AKR1C3: variants seen among roughly 807,000 people sequenced by gnomAD.
AKR1C3 encodes 3-alpha hydroxysteroid dehydrogenase, type II.
Under a neutral mutation model 43.6 loss-of-function variants are expected in AKR1C3, and 48 were observed. That is an observed-to-expected ratio of 1.10 (90% CI 0.87 to 1.40). The LOEUF is 1.40. Among genes scored for constraint, AKR1C3 ranks in the 40% most tolerant of loss-of-function variants. The pLI is 0.00. For synonymous variants in AKR1C3, 162 were observed against 139.6 expected, an observed-to-expected ratio of 1.16 and a Z score of -1.13; for missense variants, 482 against 391.2, an observed-to-expected ratio of 1.23 and a Z score of -1.96.
At chr10:5,063,565 G>T (rs1470600725) in intron 1 of AKR1C3, among the ~76,000 whole-genome samples, 1 of 151,462 alleles carries the variant, frequency 6.6e-6, no homozygotes, top group Non-Finnish European at 1.5e-5. Flanking sequence ...AGAGGCTGAG[G>T]CAGGCAGATC....
chr10:5,098,356 G>A (rs1839263994), intron 3 of AKR1C3, among the ~76,000 whole-genome samples: 1 of 152,144 alleles, frequency 6.6e-6, no homozygotes, highest in South Asian at 2.1e-4. Context: ...CAACTCCTCT[G>A]GGTCTCCCAA....
intron 1 of AKR1C3, among the ~76,000 whole-genome samples, chr10:5,050,196 ATC>A (rs1838125201): frequency 1.3e-5 from 2 of 152,166 alleles, no homozygotes; most frequent in South Asian, 4.1e-4. Flanking sequence ...CTCATTTCAA[ATC>A]TCTTTCTTTT....
At chr10:5,066,680 CTAGA>C (rs1433564127) in intron 1 of AKR1C3, among the ~76,000 whole-genome samples, 3 of 152,304 alleles carry the variant, frequency 2.0e-5, no homozygotes, top group South Asian at 2.1e-4. Flanking sequence ...AAAGAATGAG[CTAGA>C]TAAAGAGTCT....
chr10:5,086,092 C>T (rs1281492674), intron 1 of AKR1C3, among the ~76,000 whole-genome samples: 3 of 151,808 alleles, frequency 2.0e-5, no homozygotes, highest in East Asian at 1.9e-4. Context: ...CTGCTCTGAT[C>T]TTAGTTATTT....
upstream of AKR1C3, among the ~76,000 whole-genome samples, chr10:5,091,400 C>A (rs1554784151): frequency 6.6e-6 from 1 of 152,074 alleles, no homozygotes; most frequent in Non-Finnish European, 1.5e-5. Context: ...TGGCCACAGG[C>A]CTAAACATGT....
At chr10:5,103,209 T>C (rs1450862531) in intron 7 of AKR1C3, among the ~76,000 whole-genome samples, 2 of 152,206 alleles carry the variant, frequency 1.3e-5, no homozygotes, top group African/African-American at 4.8e-5. Flanking sequence ...TTCAGAAATG[T>C]GGAGTAGCAT....
chr10:5,107,328 G>A, intron 8 of AKR1C3, 133 bp from the exon 9 acceptor site: 1 of 661,038 alleles, frequency 1.5e-6, no homozygotes, highest in Non-Finnish European at 2.7e-6. Flanking sequence ...TGTTCATAAA[G>A]GTAAGAAAGG....
At chr10:5,051,979 G>T (rs1183352150) in intron 1 of AKR1C3, among the ~76,000 whole-genome samples, 1 of 152,186 alleles carries the variant, frequency 6.6e-6, no homozygotes, top group Non-Finnish European at 1.5e-5. Flanking sequence ...ATCGGGGGTG[G>T]TGTGTCTGGA....
chr10:5,056,421 T>G (rs372805660), intron 1 of AKR1C3, among the ~76,000 whole-genome samples: 1 of 152,208 alleles, frequency 6.6e-6, no homozygotes, highest in Non-Finnish European at 1.5e-5. Context: ...GCCTCATTGA[T>G]GTGTCTAAGA....
upstream of AKR1C3, chr10:5,094,305 C>A: frequency 3.5e-6 from 3 of 849,744 alleles, no homozygotes; most frequent in East Asian, 3.7e-5. Context: ...ATAAGACTGC[C>A]TATGTACCTC....
chr10:5,074,075 T>C (rs1317395877), intron 1 of AKR1C3, among the ~76,000 whole-genome samples: 1 of 151,920 alleles, frequency 6.6e-6, no homozygotes, highest in Non-Finnish European at 1.5e-5. Context: ...AATGTAACCA[T>C]TTGTCTCTTA....
At position 5,071,556 on chromosome 10, in the gene AKR1C3, T is replaced by C. The variant is rs1422304437; in HGVS notation, c.84+22661T>C. On this transcript the variant is annotated intron_variant, in intron 1 of 8. Transcript: ENST00000439082. ...CTTTCCCCAGGCTCCTCTGAGTCTC[T>C]TTTGAAATAGGCCTCGCCTTGGTCT... Among the ~76,000 whole-genome samples the C allele has an allele frequency of 9.2e-5, 14 of 152,332 alleles. No homozygotes were observed. The East Asian group carries it at 2.7e-3, about 29-fold the overall frequency.
rs1423084413 is a variant in AKR1C3 at position 5,102,933 on chromosome 10, T to G, written c.846+283T>G. 5.5e-5 allele frequency among the ~76,000 whole-genome samples: 8 copies of G among 145,530 alleles called. No homozygotes were observed. The South Asian group carries it at 1.7e-3, about 31-fold the overall frequency. On this transcript the variant is annotated intron_variant, in intron 7 of 8. Transcript: ENST00000380554. ...CAGGAACATCATTTTTTCATGTTGT[T>G]TGTTTGGTTTTGGTTTTTTTTTTTT...
chr10:5,099,700 G>A lies in AKR1C3; in HGVS notation c.570+251G>A, dbSNP rs1036592736. The A allele has an allele frequency of 1.4e-5, 8 of 551,918 alleles. No homozygotes were observed. The East Asian group carries it at 2.9e-4, about 20-fold the overall frequency. The allele number at this position is 551,918 out of a possible 1,614,324, so 34.2% of individuals were successfully genotyped here. A position where few individuals can be genotyped will look rare whatever the true frequency, so the allele number is the denominator to read the frequency against. ...TAGGGGAGGTCCATTTGATCAGGGA[G>A]GCCTGGAATCATCAATTAGAACTCA... On this transcript the variant is annotated intron_variant, in intron 5 of 8. Coordinates refer to ENST00000380554, the MANE Select transcript of AKR1C3 (RefSeq NM_003739.6).
chr10:5,087,595 C>T (rs1838999248), intron 1 of AKR1C3, among the ~76,000 whole-genome samples: 2 of 151,806 alleles, frequency 1.3e-5, no homozygotes, highest in East Asian at 1.9e-4. Context: ...AGGCTAGTCT[C>T]GAACTCTTGA....
intron 1 of AKR1C3, among the ~76,000 whole-genome samples, chr10:5,063,765 C>CCAAAAAAAAAAAAAAAAAAAAAAA (rs1838430782): frequency 2.2e-5 from 1 of 46,426 alleles, no homozygotes; most frequent in African/African-American, 8.3e-5. Context: ...TCTGTCTCAG[C>CCAAAAAAAAAAAAAAAAAAAAAAA]AAAAAAAAAA....
chr10:5,093,155 C>T (rs761168579), upstream of AKR1C3, among the ~76,000 whole-genome samples: 2 of 152,018 alleles, frequency 1.3e-5, no homozygotes, highest in South Asian at 2.1e-4. Flanking sequence ...GACTATTGCA[C>T]GTCTCTTCCC....
chr10:5,091,772 A>G (rs1291678680), upstream of AKR1C3, among the ~76,000 whole-genome samples: 8 of 152,170 alleles, frequency 5.3e-5, no homozygotes, highest in African/African-American at 1.7e-4. Flanking sequence ...ACATGTTAAC[A>G]TAGATTTATA....
rs900481552 is a variant in AKR1C3, at chr10:5,059,664, A to G, written c.84+10769A>G. On this transcript the variant is annotated intron_variant, in intron 1 of 8. Coordinates refer to the AKR1C3 transcript ENST00000439082. Reference sequence around the variant, plus strand: ...TTTAACTGGCTGACAGGTGCCCGGTATTTAGCCCCCAAATTCTAAGGAAAA... The same window carrying G: ...TTTAACTGGCTGACAGGTGCCCGGTGTTTAGCCCCCAAATTCTAAGGAAAA... Among the ~76,000 whole-genome samples the G allele has an allele frequency of 5.9e-5, 9 of 152,254 alleles. No homozygotes were observed. The South Asian group carries it at 6.2e-4, about 11-fold the overall frequency.
Sources: allele counts gnomAD v4.1 joint callset (sites outside exome capture counted in the v4.1 genomes callset), GRCh38; gene constraint gnomAD v4.1.1; transcripts MANE v1.5; gene names NCBI Gene and HGNC (gene_info 2026-07-23, HGNC 2026-07-21).